The following CCDC148 variants were observed in gnomAD, a reference collection of about 807,000 sequenced individuals.
CCDC148 encodes coiled-coil domain-containing protein 148.
In CCDC148, 89 loss-of-function variants were observed where a neutral mutation model predicts 85.7. The observed-to-expected ratio is 1.04, with a 90% CI of 0.87 to 1.24. CCDC148 has a LOEUF of 1.24. Ranked by LOEUF, CCDC148 falls within the 50% of genes most tolerant of loss-of-function variation. The probability of loss-of-function intolerance (pLI) is 0.00; values close to 1 mark genes in which losing one functional copy is unlikely to be tolerated. For missense variants in CCDC148, 692 were observed against 671.7 expected, an observed-to-expected ratio of 1.03 and a Z score of -0.33; for synonymous variants, 230 against 213.9, an observed-to-expected ratio of 1.08 and a Z score of -0.66.
chr2:158,218,909 A>G (rs1687027814), intron 11 of CCDC148, among the ~76,000 whole-genome samples: 1 of 152,204 alleles, frequency 6.6e-6, no homozygotes, highest in South Asian at 2.1e-4. Context: ...CCTGGGAAAT[A>G]ATGTGCATTT....
intron 9 of CCDC148, among the ~76,000 whole-genome samples, chr2:158,293,307 C>T (rs1690981347): frequency 6.6e-6 from 1 of 152,198 alleles, no homozygotes; most frequent in African/African-American, 2.4e-5. Context: ...AATATACCCT[C>T]ATAGGAGCCA....
At chr2:158,172,399 A>G (rs769795048) in intron 13 of CCDC148, 140 bp from the exon 14 acceptor site, 10 of 650,562 alleles carry the variant, frequency 1.5e-5, no homozygotes, top group East Asian at 2.8e-5. Flanking sequence ...TACAGTGACT[A>G]TATTTTGGAA....
intron 7 of CCDC148, among the ~76,000 whole-genome samples, chr2:158,329,660 T>C (rs537623465): frequency 6.6e-6 from 1 of 152,252 alleles, no homozygotes; most frequent in African/African-American, 2.4e-5. Flanking sequence ...TGTTCTTCCA[T>C]TTGTTTGTAT....
intron 10 of CCDC148, among the ~76,000 whole-genome samples, chr2:158,241,409 TG>T (rs2105321018): frequency 6.6e-6 from 1 of 152,294 alleles, no homozygotes; most frequent in East Asian, 1.9e-4. Context: ...GAGCTCCCAT[TG>T]ACCTAAGAAT....
chr2:158,199,431 G>C (rs1685841284), intron 11 of CCDC148, among the ~76,000 whole-genome samples: 1 of 152,052 alleles, frequency 6.6e-6, no homozygotes, highest in Non-Finnish European at 1.5e-5. Context: ...TTTCAGTAGA[G>C]ACAGGGTTTC....
chr2:158,305,691 C>A (rs1247837730), intron 9 of CCDC148, among the ~76,000 whole-genome samples: 1 of 144,684 alleles, frequency 6.9e-6, no homozygotes, highest in Non-Finnish European at 1.5e-5. Context: ...GACATCTGGG[C>A]TGCAATGAGC....
chr2:158,297,011 T>A (rs1243874513), intron 9 of CCDC148, among the ~76,000 whole-genome samples: 1 of 152,184 alleles, frequency 6.6e-6, no homozygotes, highest in East Asian at 1.9e-4. Flanking sequence ...TCTCCATAAA[T>A]GCTCCCAACT....
chr2:158,344,867 T>A (rs1682914650), intron 3 of CCDC148, among the ~76,000 whole-genome samples: 1 of 152,074 alleles, frequency 6.6e-6, no homozygotes, highest in South Asian at 2.1e-4. Flanking sequence ...CGTGATAGGA[T>A]CTTTACCACT....
intron 11 of CCDC148, among the ~76,000 whole-genome samples, chr2:158,198,042 A>T (rs1185179658): frequency 6.6e-6 from 1 of 152,118 alleles, no homozygotes; most frequent in Admixed American, 6.6e-5. Context: ...CTTTTCTCTC[A>T]CCACAACCTT....
chr2:158,387,288 T>TCTA (rs1685125918), intron 1 of CCDC148, among the ~76,000 whole-genome samples: 2 of 150,464 alleles, frequency 1.3e-5, no homozygotes, highest in African/African-American at 4.9e-5. Context: ...ATTTATATCA[T>TCTA]TATCTATATC....
intron 9 of CCDC148, among the ~76,000 whole-genome samples, chr2:158,278,892 C>A (rs1206061736): frequency 6.6e-6 from 1 of 152,252 alleles, no homozygotes; most frequent in Admixed American, 6.5e-5. Context: ...TAGGGGCAGA[C>A]TGACACCTCA....
chr2:158,430,061 G>C (rs1486564014), intron 1 of CCDC148, among the ~76,000 whole-genome samples: 1 of 152,194 alleles, frequency 6.6e-6, no homozygotes, highest in Non-Finnish European at 1.5e-5. Flanking sequence ...TGAATACTGA[G>C]AGGTGTGTGC....
At chr2:158,411,084 T>C (rs561759606) in intron 1 of CCDC148, among the ~76,000 whole-genome samples, 1 of 152,308 alleles carries the variant, frequency 6.6e-6, no homozygotes, top group African/African-American at 2.4e-5. Flanking sequence ...TGGAGTTCTC[T>C]TATATGTGAT....
intron 10 of CCDC148, among the ~76,000 whole-genome samples, chr2:158,249,652 T>C (rs567614124): frequency 5.8e-4 from 88 of 152,218 alleles, no homozygotes; most frequent in African/African-American, 1.9e-3. Context: ...TGATTTAAAG[T>C]CACAAAACAA....
At chr2:158,264,607 G>C (rs878939863) in intron 9 of CCDC148, among the ~76,000 whole-genome samples, 1 of 151,938 alleles carries the variant, frequency 6.6e-6, no homozygotes, top group Non-Finnish European at 1.5e-5. Flanking sequence ...AAGTGGGGAG[G>C]GGAGGCAAAG....
chr2:158,364,378 G>C (rs555068566), intron 1 of CCDC148, among the ~76,000 whole-genome samples: 69 of 152,186 alleles, frequency 4.5e-4, no homozygotes, highest in African/African-American at 1.6e-3. Context: ...GAAGAACAAA[G>C]CTGGAGGCAT....
At chr2:158,421,119 A>C (rs1686758478) in intron 1 of CCDC148, among the ~76,000 whole-genome samples, 1 of 152,154 alleles carries the variant, frequency 6.6e-6, no homozygotes, top group Non-Finnish European at 1.5e-5. Flanking sequence ...AGAGACTTAG[A>C]CTCCCACACA....
At chr2:158,423,168 T>A (rs1686891528) in intron 1 of CCDC148, among the ~76,000 whole-genome samples, 2 of 152,142 alleles carry the variant, frequency 1.3e-5, no homozygotes, top group Admixed American at 1.3e-4. Context: ...AAGTAATTTA[T>A]ACATTCAATG....
chr2:158,260,849 C>A (rs1689193097), intron 9 of CCDC148, among the ~76,000 whole-genome samples: 1 of 151,954 alleles, frequency 6.6e-6, no homozygotes, highest in South Asian at 2.1e-4. Context: ...CAAAACATTA[C>A]TCAAGGAAAT....
Sources: allele counts gnomAD v4.1 joint callset (sites outside exome capture counted in the v4.1 genomes callset), GRCh38; gene constraint gnomAD v4.1.1; transcripts MANE v1.5; gene names NCBI Gene and HGNC (gene_info 2026-07-23, HGNC 2026-07-21).